PLEKHA8: variants seen among roughly 807,000 people sequenced by gnomAD.
PLEKHA8 encodes the protein pleckstrin homology domain-containing family A member 8.
A neutral mutation model predicts 68.2 loss-of-function variants in PLEKHA8; 36 were observed. The ratio of observed to expected loss-of-function variants is 0.53; its 90% CI spans 0.40 to 0.70. PLEKHA8 has a LOEUF of 0.70. PLEKHA8 is among the 30% of genes least tolerant of loss of function. PLEKHA8 has a pLI of 0.00. For missense variants in PLEKHA8, 505 were observed against 615.4 expected, an observed-to-expected ratio of 0.82 and a Z score of 1.90; for synonymous variants, 211 against 216.1, an observed-to-expected ratio of 0.98 and a Z score of 0.20.
At chr7:30,058,509 T>C (rs1793180080) in intron 9 of PLEKHA8, among the ~76,000 whole-genome samples, 1 of 150,396 alleles carries the variant, frequency 6.6e-6, no homozygotes, top group South Asian at 2.1e-4. Context: ...AACTGGTTGC[T>C]CAAGAACCGT....
At chr7:30,034,010 C>CTTTTGTTTTTTTTTTTTTTTTT (rs1790859175) in intron 1 of PLEKHA8, among the ~76,000 whole-genome samples, 1 of 34,632 alleles carries the variant, frequency 2.9e-5, no homozygotes, top group African/African-American at 1.3e-4. Context: ...TAAGAGGTTT[C>CTTTTGTTTTTTTTTTTTTTTTT]TTTTTTTTTT....
At chr7:30,096,380 C>T (rs1237494609) in intron 13 of PLEKHA8, among the ~76,000 whole-genome samples, 1 of 152,140 alleles carries the variant, frequency 6.6e-6, no homozygotes, top group Non-Finnish European at 1.5e-5. Flanking sequence ...ATTTTGTATC[C>T]TGAGACTTTG....
chr7:30,033,017 A>T (rs950503816), intron 1 of PLEKHA8, among the ~76,000 whole-genome samples: 6 of 152,158 alleles, frequency 3.9e-5, no homozygotes, highest in Non-Finnish European at 8.8e-5. Flanking sequence ...GAGGAAGGTG[A>T]CTCTTGCCCT....
In PLEKHA8 at chr7:30,079,896, TC is replaced by T; in HGVS notation, c.*1111del. 1.0e-6 allele frequency: 1 copy of T among 976,338 alleles called. No homozygotes were observed. The highest frequency in any genetic ancestry group is 1.8e-5 in the African/African-American group (1 of 56,978). The allele number at this position is 976,338 out of a possible 1,614,324, so 60.5% of individuals were successfully genotyped here. A position where few individuals can be genotyped will look rare whatever the true frequency, so the allele number is the denominator to read the frequency against. On this transcript the variant is annotated 3_prime_UTR_variant, in exon 14 of 14. Coordinates refer to ENST00000449726, the MANE Select transcript of PLEKHA8 (RefSeq NM_001197026.2). Reference sequence around the variant, plus strand: ...TTTTCTTCAAGAACTAAATGATATGTCCTTTTTTTTTTTTTCAAAGAGGATA... The same window carrying T: ...TTTTCTTCAAGAACTAAATGATATGTCTTTTTTTTTTTTTCAAAGAGGATA...
chr7:30,045,590 T>TA (rs994149104), intron 2 of PLEKHA8, among the ~76,000 whole-genome samples: 3 of 152,140 alleles, frequency 2.0e-5, no homozygotes, highest in African/African-American at 7.2e-5. Flanking sequence ...AGCAAAAACT[T>TA]AACAGACTTT....
chr7:30,115,545 T>C (rs1796412420), intron 13 of PLEKHA8, among the ~76,000 whole-genome samples: 1 of 50,504 alleles, frequency 2.0e-5, no homozygotes, highest in South Asian at 1.6e-3. Context: ...TATGTACACA[T>C]GCACGTATAC....
intron 13 of PLEKHA8, among the ~76,000 whole-genome samples, chr7:30,116,156 A>G (rs1265624371): frequency 6.6e-6 from 1 of 151,496 alleles, no homozygotes; most frequent in East Asian, 2.0e-4. Flanking sequence ...GCATACATAC[A>G]CGTATACATG....
chr7:30,057,744 A>G (rs1363399294), intron 9 of PLEKHA8, among the ~76,000 whole-genome samples: 1 of 152,220 alleles, frequency 6.6e-6, no homozygotes, highest in Non-Finnish European at 1.5e-5. Flanking sequence ...TACAGGAGTG[A>G]GCCACTGCTC....
At chr7:30,053,700 A>G (rs1792599351) in intron 7 of PLEKHA8, among the ~76,000 whole-genome samples, 1 of 152,186 alleles carries the variant, frequency 6.6e-6, no homozygotes, top group African/African-American at 2.4e-5. Flanking sequence ...GAATAGTTAG[A>G]TTTAAGGAGA....
chr7:30,065,321 T>C lies in PLEKHA8; in HGVS notation c.1300+2579T>C, dbSNP rs188564735. The stretch of plus-strand genomic sequence containing the variant: ...GAAGGTGTTTATGATTTAAATCCTA[T>C]CTTTGTGGAAATCCCTAGTTTCTTG... On this transcript the variant is annotated intron_variant, in intron 12 of 13. Coordinates refer to ENST00000449726, the MANE Select transcript of PLEKHA8 (RefSeq NM_001197026.2). Among the ~76,000 whole-genome samples, 9 of 152,300 alleles carry C rather than the reference T, an allele frequency of 5.9e-5. No individual in the cohort carries two copies. In the East Asian group the frequency reaches 1.7e-3, roughly 29 times the overall value.
intron 13 of PLEKHA8, among the ~76,000 whole-genome samples, chr7:30,077,801 C>T (rs10488086): frequency 6.6e-6 from 1 of 151,940 alleles, no homozygotes; most frequent in African/African-American, 2.4e-5. Flanking sequence ...GATCTAGTGA[C>T]CGCCAGAAAA....
Position 30,084,590 on chromosome 7 carries a change from T to C in PLEKHA8, c.*5803T>C, listed in dbSNP as rs1360282942. 1.0e-6 allele frequency: 1 copy of C among 966,552 alleles called. No homozygotes were observed. Among genetic ancestry groups the C allele is most frequent in the Non-Finnish European group, 1.2e-6 (1 of 812,972 alleles). 59.9% of individuals were successfully genotyped at this position (966,552 alleles called of 1,614,324 possible). ...GAGGGTTTTACTTTTTTTGCAAAAA[T>C]GTTTGAAAATATCTGTCAGATTTTA... On this transcript the variant is annotated 3_prime_UTR_variant, in exon 14 of 14. Coordinates refer to ENST00000449726, the MANE Select transcript of PLEKHA8 (RefSeq NM_001197026.2).
chr7:30,052,797 T>C lies in PLEKHA8; in HGVS notation c.727T>C (p.Leu243=). The change falls in exon 7 of 14, where the codon TTA becomes CTA. Residue 243 remains leucine (L), a synonymous_variant. Coordinates refer to ENST00000449726, the MANE Select transcript of PLEKHA8 (RefSeq NM_001197026.2). ...EEILMKNKNS[L]YLKSAEIDCS... ...AATCCTAATGAAAAATAAGAATTCC[T>C]TATATTTGAAATCTGCAGAGATAGA... is the stretch of plus-strand genomic sequence containing the variant. 6.4e-7 allele frequency: 1 copy of C among 1,567,852 alleles called. No homozygotes were observed. The highest frequency in any genetic ancestry group is 1.2e-5 in the South Asian group (1 of 82,666).
chr7:30,091,466 T>A (rs1795413703), downstream of PLEKHA8, among the ~76,000 whole-genome samples: 3 of 152,208 alleles, frequency 2.0e-5, no homozygotes, highest in Admixed American at 6.5e-5. Context: ...TTTCTAGCTT[T>A]ATCTCACTAC....
Position 30,080,079 on chromosome 7 carries a change from G to A in PLEKHA8, c.*1292G>A, listed in dbSNP as rs958714192. The A allele has an allele frequency of 2.0e-6, 2 of 984,878 alleles. No homozygotes were observed. The highest frequency in any genetic ancestry group is 1.8e-5 in the African/African-American group (1 of 57,074). 61.0% of individuals were successfully genotyped at this position (984,878 alleles called of 1,614,324 possible). ...CTGAATCTGCTTACCAATCAATCTCGGTTTAATCACCAAAAGTGCAGAGCA... is the reference window on the plus strand; with the variant it reads ...CTGAATCTGCTTACCAATCAATCTCAGTTTAATCACCAAAAGTGCAGAGCA... On this transcript the variant is annotated 3_prime_UTR_variant, in exon 14 of 14. Coordinates refer to ENST00000449726, the MANE Select transcript of PLEKHA8 (RefSeq NM_001197026.2).
intron 13 of PLEKHA8, among the ~76,000 whole-genome samples, chr7:30,109,476 T>C (rs1238399822): frequency 6.7e-6 from 1 of 149,740 alleles, no homozygotes; most frequent in Non-Finnish European, 1.5e-5. Context: ...TAATCCCAGC[T>C]ACTCGGGAGG....
chr7:30,116,534 T>C (rs900826349), intron 13 of PLEKHA8, among the ~76,000 whole-genome samples: 3 of 152,140 alleles, frequency 2.0e-5, no homozygotes, highest in African/African-American at 7.2e-5. Context: ...GTTCTGCAAA[T>C]CTACTCTTCT....
At chr7:30,030,173 T>C (rs1790552662) in intron 1 of PLEKHA8, among the ~76,000 whole-genome samples, 2 of 152,190 alleles carry the variant, frequency 1.3e-5, no homozygotes, top group Non-Finnish European at 2.9e-5. Context: ...CAGATGCATA[T>C]ACTTGAGTAA....
intron 1 of PLEKHA8, 43 bp downstream of exon 1, chr7:30,028,845 CT>C: frequency 1.6e-6 from 2 of 1,250,168 alleles, no homozygotes. Flanking sequence ...GGGGCCGGTC[CT>C]TTGTCTGCGC....
Sources: allele counts gnomAD v4.1 joint callset (sites outside exome capture counted in the v4.1 genomes callset), GRCh38; gene constraint gnomAD v4.1.1; transcripts MANE v1.5; gene names NCBI Gene and HGNC (gene_info 2026-07-23, HGNC 2026-07-21).